Variants in C11orf65 observed in about 807,000 individuals in gnomAD.
C11orf65 encodes the protein chromosome 11 open reading frame 65, also known as protein MFI.
In C11orf65, 38 loss-of-function variants were observed where a neutral mutation model predicts 35.3. The ratio of observed to expected loss-of-function variants is 1.08; its 90% CI spans 0.83 to 1.41. The LOEUF (loss-of-function observed/expected upper bound fraction) is 1.41. Ranked by LOEUF, C11orf65 falls within the 40% of genes most tolerant of loss-of-function variation. C11orf65 has a pLI of 0.00. For missense variants in C11orf65, 370 were observed against 367.1 expected (o/e 1.01, Z -0.06); for synonymous variants, 105 against 114.4 (o/e 0.92, Z 0.53).
chr11:108,393,738 G>A (rs549241201), intron 6 of C11orf65, among the ~76,000 whole-genome samples: 20 of 152,162 alleles, frequency 1.3e-4, no homozygotes, highest in Non-Finnish European at 2.6e-4. Flanking sequence ...TCTTTGAGGA[G>A]TTAAGTAAAT....
intron 2 of C11orf65, among the ~76,000 whole-genome samples, chr11:108,338,777 C>T (rs542861020): frequency 6.6e-5 from 10 of 152,244 alleles, no homozygotes; most frequent in African/African-American, 9.6e-5. Flanking sequence ...CTTAGAATTA[C>T]GACAATAAGC....
intron 2 of C11orf65, among the ~76,000 whole-genome samples, chr11:108,445,769 G>A (rs898704620): frequency 2.6e-5 from 4 of 152,212 alleles, no homozygotes; most frequent in African/African-American, 9.7e-5. Context: ...AAAGCTGGAT[G>A]GAGAATGACT....
intron 6 of C11orf65, among the ~76,000 whole-genome samples, chr11:108,313,026 C>T (rs1050378342): frequency 1.3e-5 from 2 of 152,186 alleles, no homozygotes; most frequent in Non-Finnish European, 1.5e-5. Context: ...CTGCTTTCAG[C>T]CTGCCTCCTA....
intron 2 of C11orf65, among the ~76,000 whole-genome samples, chr11:108,437,546 A>C (rs540630758): frequency 6.6e-6 from 1 of 151,712 alleles, no homozygotes; most frequent in Non-Finnish European, 1.5e-5. Flanking sequence ...TCTACTAAGC[A>C]TACAAAAATT....
At chr11:108,320,055 C>A (rs2136222623) in intron 6 of C11orf65, 1 of 1,582,158 alleles carries the variant, frequency 6.3e-7, no homozygotes, top group Non-Finnish European at 8.7e-7. Flanking sequence ...CTCAAATATG[C>A]CAGGTATTAT....
intron 3 of C11orf65, among the ~76,000 whole-genome samples, chr11:108,407,997 T>TTTCTTATTA (rs372979791): frequency 7.2e-6 from 1 of 139,570 alleles, no homozygotes; most frequent in Non-Finnish European, 1.5e-5. Flanking sequence ...TTAATTTCTT[T>TTTCTTATTA]TTATTATTAT....
chr11:108,318,474 G>A (rs1288322389), intron 6 of C11orf65, among the ~76,000 whole-genome samples: 1 of 152,136 alleles, frequency 6.6e-6, no homozygotes, highest in Non-Finnish European at 1.5e-5. Context: ...TGGATCACTT[G>A]AGATCAGGAG....
At chr11:108,347,178 T>TA (rs2088523490) in intron 2 of C11orf65, 1 of 946,984 alleles carries the variant, frequency 1.1e-6, no homozygotes, top group Non-Finnish European at 1.7e-6. Flanking sequence ...CTAAACTACT[T>TA]AAAGATTATA....
At chr11:108,402,892 T>A (rs775241935) in intron 6 of C11orf65, among the ~76,000 whole-genome samples, 1 of 152,242 alleles carries the variant, frequency 6.6e-6, no homozygotes, top group Non-Finnish European at 1.5e-5. Context: ...TTCGTCCATG[T>A]CATTCTGTCT....
chr11:108,374,107 C>T lies in C11orf65; in HGVS notation c.226+19101G>A, dbSNP rs556555249. ...CAGAAACCTCTGCAGACTTAAATGT[C>T]CCTGTCTGACAGCTTTGAGGAGAGC... On this transcript the variant is annotated intron_variant, in intron 2 of 3. Transcript: ENST00000524755. Among the ~76,000 whole-genome samples the T allele has an allele frequency of 5.3e-5, 8 of 152,316 alleles. No homozygotes were observed. In the South Asian group the frequency reaches 1.4e-3, roughly 28 times the overall value.
At chr11:108,320,893 A>G (rs2085156116) in intron 6 of C11orf65, among the ~76,000 whole-genome samples, 1 of 152,246 alleles carries the variant, frequency 6.6e-6, no homozygotes, top group Admixed American at 6.5e-5. Flanking sequence ...TAAGTATTAT[A>G]ATACCATATT....
intron 2 of C11orf65, among the ~76,000 whole-genome samples, chr11:108,374,546 G>A (rs573671224): frequency 7.9e-5 from 12 of 152,326 alleles, no homozygotes; most frequent in South Asian, 4.1e-4. Context: ...AAAAAACAGA[G>A]CAGAAAAACT....
intron 3 of C11orf65, chr11:108,332,738 A>G (rs2086397173): frequency 6.2e-7 from 1 of 1,607,262 alleles, no homozygotes; most frequent in African/African-American, 1.3e-5. Context: ...TCCTTATGTA[A>G]TGTTTTTTGT....
rs572190339 is a variant in C11orf65 at position 108,411,286 on chromosome 11, T to C, written c.175-4137A>G. Among the ~76,000 whole-genome samples the C allele has an allele frequency of 5.3e-5, 8 of 152,340 alleles. No homozygotes were observed. In the East Asian group the frequency reaches 1.5e-3, roughly 29 times the overall value. On this transcript the variant is annotated intron_variant, in intron 3 of 8. Transcript: ENST00000393084. ...AAAATTTGGTGGTTTTCTACTTCTG[T>C]ATTCTCATTAATTTTTAGTTTAATT...
chr11:108,426,348 C>T (rs1048455464), intron 3 of C11orf65, among the ~76,000 whole-genome samples: 3 of 152,056 alleles, frequency 2.0e-5, no homozygotes, highest in Non-Finnish European at 2.9e-5. Context: ...TTCCTATACA[C>T]CAATAATAGA....
At chr11:108,417,092 T>C (rs1312875731) in intron 3 of C11orf65, among the ~76,000 whole-genome samples, 1 of 152,112 alleles carries the variant, frequency 6.6e-6, no homozygotes, top group Non-Finnish European at 1.5e-5. Flanking sequence ...CCATAACATG[T>C]TGAAAAAGAA....
At chr11:108,319,685 C>G (rs1289427933) in intron 6 of C11orf65, among the ~76,000 whole-genome samples, 1 of 152,162 alleles carries the variant, frequency 6.6e-6, no homozygotes. Flanking sequence ...TGCCTAGTGC[C>G]TGGCACATAA....
intron 6 of C11orf65, chr11:108,315,920 C>T (rs768737262): frequency 6.2e-7 from 1 of 1,609,518 alleles, no homozygotes; most frequent in South Asian, 1.1e-5. Context: ...AGGTAAATTG[C>T]ATTTTTCTAA....
rs876660743 is a variant in C11orf65 at position 108,333,940 on chromosome 11, ATGT to A, written c.299+1277_299+1279del. The A allele has an allele frequency of 6.2e-7, 1 of 1,611,456 alleles. No homozygotes were observed. The highest frequency in any genetic ancestry group is 2.2e-5 in the East Asian group (1 of 44,856). On this transcript the variant is annotated intron_variant, in intron 3 of 3. Coordinates refer to the C11orf65 transcript ENST00000524755. ...ATTACTAAACTTAAGAATTTAGAAG[ATGT>A]TGTTGTCCCTACTATGGAAATTAAG...
Sources: gnomAD v4.1 joint callset for allele counts (sites outside exome capture counted in the v4.1 genomes callset) on GRCh38, gnomAD v4.1.1 for gene constraint, MANE v1.5 for transcripts, NCBI Gene and HGNC (gene_info 2026-07-23, HGNC 2026-07-21) for gene names.